TSG101: variants seen among roughly 807,000 people sequenced by gnomAD.
The protein encoded by TSG101 is tumor susceptibility 101, also known as tumor susceptibility gene 101 protein.
A neutral mutation model predicts 48.5 loss-of-function variants in TSG101; 19 were observed. That is an observed-to-expected ratio of 0.39 (90% CI 0.27 to 0.58). TSG101 has a LOEUF of 0.58. Among genes scored for constraint, TSG101 ranks in the 20% least tolerant of loss-of-function variants. The pLI is 0.55. For missense variants in TSG101, 365 were observed against 484.4 expected (o/e 0.75, Z 2.31); for synonymous variants, 174 against 169.4 (o/e 1.03, Z -0.21).
chr11:18,509,272 T>A (rs999603386), intron 5 of TSG101, among the ~76,000 whole-genome samples: 7 of 152,206 alleles, frequency 4.6e-5, no homozygotes, highest in South Asian at 2.1e-4. Flanking sequence ...TGCATAATTT[T>A]AAAAATTCTA....
intron 1 of TSG101, among the ~76,000 whole-genome samples, chr11:18,519,927 C>T (rs953585621): frequency 6.6e-6 from 1 of 152,146 alleles, no homozygotes; most frequent in Non-Finnish European, 1.5e-5. Context: ...ATATAATTCA[C>T]ATACCATATA....
chr11:18,482,008 C>G, intron 8 of TSG101, 139 bp from the exon 9 acceptor site: 1 of 1,205,696 alleles, frequency 8.3e-7, no homozygotes, highest in Non-Finnish European at 1.1e-6. Flanking sequence ...TCAAATAACA[C>G]CCTGGTCAAA....
In TSG101 at chr11:18,480,496, A is replaced by G. The variant is rs1481252617; in HGVS notation, c.*50T>C. Reference sequence around the variant, plus strand: ...TTCTGGGCACCTACTGATAAAAGGAAGAGAAGAATACTTTAAGAAGAGCTC... The same window carrying G: ...TTCTGGGCACCTACTGATAAAAGGAGGAGAAGAATACTTTAAGAAGAGCTC... On this transcript the variant is annotated 3_prime_UTR_variant, in exon 10 of 10. Transcript: ENST00000251968. The G allele has an allele frequency of 2.7e-6, 4 of 1,454,664 alleles. No individual in the cohort carries two copies. Among genetic ancestry groups the G allele is most frequent in the Admixed American group, 3.6e-5 (2 of 55,168 alleles). The allele number at this position is 1,454,664 out of a possible 1,614,324, so 90.1% of individuals were successfully genotyped here. A position where few individuals can be genotyped will look rare whatever the true frequency, so the allele number is the denominator to read the frequency against.
intron 7 of TSG101, among the ~76,000 whole-genome samples, chr11:18,485,317 CACA>C (rs1455142365): frequency 1.3e-5 from 2 of 152,164 alleles, no homozygotes; most frequent in South Asian, 2.1e-4. Flanking sequence ...AAAACGTCAG[CACA>C]ACAACTAGAA....
intron 8 of TSG101, among the ~76,000 whole-genome samples, chr11:18,482,472 C>T (rs574957954): frequency 2.5e-4 from 38 of 152,280 alleles, no homozygotes; most frequent in African/African-American, 8.7e-4. Context: ...CCTCAACCTT[C>T]TAAGAATTCT....
chr11:18,518,653 G>A (rs1850218103), intron 2 of TSG101, among the ~76,000 whole-genome samples: 1 of 152,064 alleles, frequency 6.6e-6, no homozygotes, highest in South Asian at 2.1e-4. Context: ...AAATGAAAGG[G>A]ACAGTCCAGA....
chr11:18,507,023 T>C, intron 5 of TSG101, 100 bp from the exon 6 acceptor site: 1 of 842,150 alleles, frequency 1.2e-6, no homozygotes, highest in Non-Finnish European at 1.8e-6. Context: ...CACAGCAAAA[T>C]TTCACAGTTA....
At chr11:18,482,113 T>C (rs1044085210) in intron 8 of TSG101, among the ~76,000 whole-genome samples, 1 of 152,222 alleles carries the variant, frequency 6.6e-6, no homozygotes, top group Non-Finnish European at 1.5e-5. Flanking sequence ...AGTAACAAGC[T>C]TGTCACCTGT....
At chr11:18,498,326 T>C (rs1324697194) in intron 7 of TSG101, among the ~76,000 whole-genome samples, 2 of 152,136 alleles carry the variant, frequency 1.3e-5, no homozygotes, top group Non-Finnish European at 2.9e-5. Context: ...AATTTATTTA[T>C]ATTTTATTAG....
chr11:18,506,440 C>G (rs1318209196), intron 6 of TSG101, among the ~76,000 whole-genome samples: 1 of 151,588 alleles, frequency 6.6e-6, no homozygotes, highest in Non-Finnish European at 1.5e-5. Flanking sequence ...CACCTGTAAT[C>G]CCAGCGCTTT....
At chr11:18,490,849 G>A in intron 7 of TSG101, 2 of 546,184 alleles carry the variant, frequency 3.7e-6, no homozygotes, top group Non-Finnish European at 7.3e-6. Flanking sequence ...CTTCGTTGGA[G>A]TATTCATGCC....
Position 18,480,513 on chromosome 11 carries a change from G to GC in TSG101, c.*32_*33insG, listed in dbSNP as rs1423102679. ...TAAAAGGAAGAGAAGAATACTTTAA[G>GC]AAGAGCTCAACCTCCAGCTGGTATC... On this transcript the variant is annotated 3_prime_UTR_variant, in exon 10 of 10. Coordinates refer to ENST00000251968, the MANE Select transcript of TSG101 (RefSeq NM_006292.4). 1.9e-6 allele frequency: 3 copies of GC among 1,569,522 alleles called. No homozygotes were observed. The Admixed American group carries it at 5.1e-5, about 27-fold the overall frequency.
intron 1 of TSG101, among the ~76,000 whole-genome samples, chr11:18,520,761 G>C (rs910939706): frequency 1.3e-5 from 2 of 152,110 alleles, no homozygotes; most frequent in Non-Finnish European, 2.9e-5. Flanking sequence ...GGCCAGGCGT[G>C]GTGGCTTACA....
chr11:18,484,116 T>C, intron 7 of TSG101, 44 bp from the exon 8 acceptor site: 4 of 1,600,636 alleles, frequency 2.5e-6, no homozygotes, highest in Non-Finnish European at 3.4e-6. Flanking sequence ...CTTCCCAAGT[T>C]CCTTCTATTT....
chr11:18,526,189 C>G (rs1850369732), intron 1 of TSG101, among the ~76,000 whole-genome samples: 1 of 151,040 alleles, frequency 6.6e-6, no homozygotes. Flanking sequence ...AAGCTCAAAG[C>G]AAATAAATAC....
Position 18,519,734 on chromosome 11 carries a change from A to T in TSG101, c.43-131T>A, listed in dbSNP as rs1265045377. 4.8e-6 allele frequency: 3 copies of T among 621,054 alleles called. No homozygotes were observed. In the African/African-American group the frequency reaches 5.6e-5, roughly 12 times the overall value. The allele number at this position is 621,054 out of a possible 1,614,324, so 38.5% of individuals were successfully genotyped here. A position where few individuals can be genotyped will look rare whatever the true frequency, so the allele number is the denominator to read the frequency against. ...AAGCCTGAAAGAACCTAAAAAACCC[A>T]TAATACTATTATCACACTAAAATAA... On this transcript the variant is annotated intron_variant, in intron 1 of 9. Transcript: ENST00000251968.
intron 1 of TSG101, among the ~76,000 whole-genome samples, chr11:18,521,670 CTTTTTTTTTTTT>C (rs869176661): frequency 1.0e-4 from 7 of 66,692 alleles, no homozygotes; most frequent in African/African-American, 3.5e-4. Context: ...TGGCCCCTTC[CTTTTTTTTTTTT>C]TTTTTTTTTT....
At chr11:18,519,489 G>T (rs768576175) in intron 2 of TSG101, 30 bp downstream of exon 2, 1 of 1,507,536 alleles carries the variant, frequency 6.6e-7, no homozygotes, top group African/African-American at 1.4e-5. Flanking sequence ...TCAAAGTATA[G>T]AAATTGCTAT....
intron 9 of TSG101, 68 bp from the exon 10 acceptor site, chr11:18,480,703 A>AT: frequency 7.0e-7 from 1 of 1,430,864 alleles, no homozygotes; most frequent in African/African-American, 1.4e-5. Context: ...AAAATAGACA[A>AT]TTTGTAACCT....
Sources: gnomAD v4.1 joint callset for allele counts (sites outside exome capture counted in the v4.1 genomes callset) on GRCh38, gnomAD v4.1.1 for gene constraint, MANE v1.5 for transcripts, NCBI Gene and HGNC (gene_info 2026-07-23, HGNC 2026-07-21) for gene names.